BMP5: variants seen among roughly 807,000 people sequenced by gnomAD.
BMP5 encodes the protein bone morphogenetic protein 5.
A neutral mutation model predicts 46.6 loss-of-function variants in BMP5; 23 were observed. The ratio of observed to expected loss-of-function variants is 0.49; its 90% CI spans 0.35 to 0.70. BMP5 has a LOEUF of 0.70. BMP5 is among the 30% of genes least tolerant of loss of function. The pLI is 0.00. For synonymous variants in BMP5, 204 were observed against 191.9 expected (o/e 1.06, Z -0.52); for missense variants, 545 against 565.6 (o/e 0.96, Z 0.37).
At chr6:55,806,667 C>T (rs182338944) in intron 2 of BMP5, among the ~76,000 whole-genome samples, 135 of 152,248 alleles carry the variant, frequency 8.9e-4, no homozygotes, top group African/African-American at 3.1e-3. Flanking sequence ...GGCAGTATGG[C>T]CATTTTCATT....
chr6:55,828,310 A>AGAC (rs2127541345), intron 1 of BMP5, among the ~76,000 whole-genome samples: 1 of 151,968 alleles, frequency 6.6e-6, no homozygotes, highest in South Asian at 2.1e-4. Flanking sequence ...GTGGTGGGTG[A>AGAC]CAGATAAGTA....
chr6:55,844,995 A>C (rs1470742753), intron 1 of BMP5, among the ~76,000 whole-genome samples: 1 of 152,028 alleles, frequency 6.6e-6, no homozygotes, highest in Non-Finnish European at 1.5e-5. Context: ...TTAATTCACC[A>C]TGTACGTGAC....
intron 2 of BMP5, among the ~76,000 whole-genome samples, chr6:55,800,984 T>C (rs1775837522): frequency 6.6e-6 from 1 of 152,202 alleles, no homozygotes; most frequent in South Asian, 2.1e-4. Context: ...TCTGAGCCAC[T>C]AGCCTAAAAC....
chr6:55,874,778 C>T lies in BMP5; in HGVS notation c.88G>A (p.Gly30Arg). ...VLVGYAKGGL[G>R]DNHVHSSFIY... ...AAACTGGAGTGAACATGATTGTCTC[C>T]CAAACCTCCTTTTGCATAACCCACT... is the stretch of plus-strand genomic sequence containing the variant. Residue 30 changes from glycine (G) to arginine (R), a missense_variant, in exon 1 of 7, where the codon GGA becomes AGA. Transcript: ENST00000370830. 6.2e-7 allele frequency: 1 copy of T among 1,613,362 alleles called. No individual in the cohort carries two copies. Among genetic ancestry groups the T allele is most frequent in the Non-Finnish European group, 8.5e-7 (1 of 1,179,612 alleles).
intron 2 of BMP5, among the ~76,000 whole-genome samples, chr6:55,818,951 C>CAG (rs1172763107): frequency 2.0e-5 from 3 of 150,086 alleles, no homozygotes; most frequent in Admixed American, 2.0e-4. Flanking sequence ...GATAGACAGA[C>CAG]AGACAGACAG....
intron 1 of BMP5, among the ~76,000 whole-genome samples, chr6:55,853,027 G>T (rs79449358): frequency 0.22 from 33,661 of 150,958 alleles, 4,091 homozygotes; most frequent in Middle Eastern, 0.37. Flanking sequence ...CTACTCAGGA[G>T]ACTGAGGCAG....
At chr6:55,799,985 C>T (rs1775804504) in intron 2 of BMP5, among the ~76,000 whole-genome samples, 1 of 152,132 alleles carries the variant, frequency 6.6e-6, no homozygotes, top group South Asian at 2.1e-4. Flanking sequence ...TTAGAGGTTG[C>T]ATTGTGGATA....
chr6:55,759,144 CAAAAAAAAAAAAAAAAAAAA>C (rs754365141), intron 5 of BMP5, 29 bp from the exon 6 acceptor site: 25 of 85,078 alleles, frequency 2.9e-4, no homozygotes, highest in Admixed American at 6.1e-4. Flanking sequence ...CACACACACA[CAAAAAAAAAAAAAAAAAAAA>C]AAAAAAAAAA....
intron 1 of BMP5, among the ~76,000 whole-genome samples, chr6:55,849,276 A>T (rs1276748977): frequency 6.6e-6 from 1 of 152,044 alleles, no homozygotes; most frequent in Admixed American, 6.6e-5. Flanking sequence ...AGACTTGTTG[A>T]ATATATAAAT....
At chr6:55,799,876 TG>T (rs1207124950) in intron 2 of BMP5, among the ~76,000 whole-genome samples, 1 of 152,202 alleles carries the variant, frequency 6.6e-6, no homozygotes, top group Non-Finnish European at 1.5e-5. Flanking sequence ...CTCAGATTCC[TG>T]GGACTTTGGG....
At chr6:55,811,373 G>A (rs1451914756) in intron 2 of BMP5, among the ~76,000 whole-genome samples, 1 of 152,132 alleles carries the variant, frequency 6.6e-6, no homozygotes. Context: ...TTAGGAAAAG[G>A]TTGATTCTAC....
intron 6 of BMP5, 89 bp downstream of exon 6, chr6:55,758,916 A>C: frequency 1.1e-6 from 1 of 938,246 alleles, no homozygotes; most frequent in South Asian, 1.3e-5. Flanking sequence ...ATAATGCATT[A>C]AAATTGTAAA....
At chr6:55,866,697 T>C (rs935156228) in intron 1 of BMP5, among the ~76,000 whole-genome samples, 8 of 152,178 alleles carry the variant, frequency 5.3e-5, no homozygotes, top group Non-Finnish European at 1.0e-4. Context: ...CTGCTTTTTC[T>C]TGTTTTAGGG....
intron 1 of BMP5, among the ~76,000 whole-genome samples, chr6:55,850,502 T>A (rs1196877348): frequency 6.6e-6 from 1 of 152,100 alleles, no homozygotes; most frequent in South Asian, 2.1e-4. Context: ...GATATATACA[T>A]ACCTTATATA....
intron 3 of BMP5, among the ~76,000 whole-genome samples, chr6:55,781,862 C>T (rs761569800): frequency 5.9e-5 from 9 of 151,932 alleles, no homozygotes; most frequent in East Asian, 1.9e-4. Flanking sequence ...TCACCCACCT[C>T]GGCCTATCAT....
At position 55,760,469 on chromosome 6, in the gene BMP5, A is replaced by T. The variant is rs1774744045; in HGVS notation, c.1092T>A (p.Asp364Glu). The change falls in exon 5 of 7, where the codon GAT (aspartate) becomes GAA (glutamate). Residue 364 changes from aspartate to glutamate, a missense_variant. Transcript: ENST00000370830. ...KKHELYVSFR[D>E]LGWQDWIIAP... The stretch of plus-strand genomic sequence containing the variant: ...TGAAAATTCCTACCTGCCATCCCAG[A>T]TCCCGGAAGCTCACATAGAGTTCGT... 1.2e-6 allele frequency: 2 copies of T among 1,613,034 alleles called. No individual in the cohort carries two copies. Among genetic ancestry groups the T allele is most frequent in the Non-Finnish European group, 1.7e-6 (2 of 1,179,318 alleles).
chr6:55,853,451 T>C (rs1413734834), intron 1 of BMP5, among the ~76,000 whole-genome samples: 1 of 151,562 alleles, frequency 6.6e-6, no homozygotes, highest in Non-Finnish European at 1.5e-5. Flanking sequence ...CAAGGTTAGG[T>C]GGTTAGAGCA....
At chr6:55,815,834 T>G (rs1184184826) in intron 2 of BMP5, among the ~76,000 whole-genome samples, 2 of 152,102 alleles carry the variant, frequency 1.3e-5, no homozygotes, top group Non-Finnish European at 2.9e-5. Context: ...TATAAAGTAT[T>G]AATAGACTCT....
chr6:55,832,136 T>G (rs1370937627), intron 1 of BMP5, among the ~76,000 whole-genome samples: 2 of 152,226 alleles, frequency 1.3e-5, no homozygotes, highest in Non-Finnish European at 2.9e-5. Flanking sequence ...GAACTGTACC[T>G]ACAAGTAGCT....
Sources: gnomAD v4.1 joint callset for allele counts (sites outside exome capture counted in the v4.1 genomes callset) on GRCh38, gnomAD v4.1.1 for gene constraint, MANE v1.5 for transcripts, NCBI Gene and HGNC (gene_info 2026-07-23, HGNC 2026-07-21) for gene names.